The following ATF3 variants were observed in gnomAD, a reference collection of about 807,000 sequenced individuals.
ATF3 encodes the protein activating transcription factor 3.
A neutral mutation model predicts 18.4 loss-of-function variants in ATF3; 10 were observed. The observed-to-expected ratio is 0.54, with a 90% CI of 0.34 to 0.92. The LOEUF (loss-of-function observed/expected upper bound fraction) is 0.92. Among genes scored for constraint, ATF3 ranks in the 40% least tolerant of loss-of-function variants. ATF3 has a pLI of 0.02. For synonymous variants in ATF3, 78 were observed against 87.9 expected, an observed-to-expected ratio of 0.89 and a Z score of 0.63; for missense variants, 183 against 222.3, an observed-to-expected ratio of 0.82 and a Z score of 1.12.
At chr1:212,582,608 T>C (rs750946796) in intron 1 of ATF3, among the ~76,000 whole-genome samples, 53 of 152,190 alleles carry the variant, frequency 3.5e-4, no homozygotes, top group Non-Finnish European at 4.1e-4. Context: ...TTCCGTCCCC[T>C]GCACTGAGCA....
chr1:212,591,549 C>A (rs1664885578), intron 1 of ATF3, among the ~76,000 whole-genome samples: 1 of 152,160 alleles, frequency 6.6e-6, no homozygotes, highest in South Asian at 2.1e-4. Context: ...CCCCCCCGCC[C>A]CAGTCCATTG....
At chr1:212,589,431 G>A (rs1434216423) in intron 1 of ATF3, among the ~76,000 whole-genome samples, 1 of 152,180 alleles carries the variant, frequency 6.6e-6, no homozygotes, top group Non-Finnish European at 1.5e-5. Flanking sequence ...GGAAGAAATA[G>A]AAGGTTAAGT....
At chr1:212,611,059 C>T (rs1654875466) in intron 1 of ATF3, among the ~76,000 whole-genome samples, 1 of 152,204 alleles carries the variant, frequency 6.6e-6, no homozygotes, top group Admixed American at 6.5e-5. Context: ...GGGACAGGGC[C>T]AGTGGCTTCG....
chr1:212,603,177 G>A (rs1360598784), intron 1 of ATF3, among the ~76,000 whole-genome samples: 1 of 152,072 alleles, frequency 6.6e-6, no homozygotes, highest in African/African-American at 2.4e-5. Flanking sequence ...CACCAAACTG[G>A]CATAGAGATG....
intron 1 of ATF3, among the ~76,000 whole-genome samples, chr1:212,575,501 C>A (rs1664562253): frequency 6.6e-6 from 1 of 152,086 alleles, no homozygotes; most frequent in Non-Finnish European, 1.5e-5. Flanking sequence ...TCTAATCTTT[C>A]TCTTTTTCCA....
At chr1:212,575,623 A>G (rs1664564662) in intron 1 of ATF3, among the ~76,000 whole-genome samples, 1 of 152,120 alleles carries the variant, frequency 6.6e-6, no homozygotes, top group Non-Finnish European at 1.5e-5. Context: ...AAATAGTACC[A>G]ATTAATATAA....
At chr1:212,575,030 A>G (rs1664548951) in intron 1 of ATF3, among the ~76,000 whole-genome samples, 1 of 152,078 alleles carries the variant, frequency 6.6e-6, no homozygotes, top group Non-Finnish European at 1.5e-5. Context: ...ACGCATTTTG[A>G]AGATTTTTAA....
chr1:212,592,164 C>G (rs1470664295), intron 1 of ATF3, among the ~76,000 whole-genome samples: 1 of 138,168 alleles, frequency 7.2e-6, no homozygotes, highest in Non-Finnish European at 1.6e-5. Flanking sequence ...ATTTCTCCCT[C>G]AACCTAGCCC....
At chr1:212,580,722 T>C (rs1354334364) in intron 1 of ATF3, among the ~76,000 whole-genome samples, 2 of 152,200 alleles carry the variant, frequency 1.3e-5, no homozygotes, top group African/African-American at 2.4e-5. Flanking sequence ...TCTGAGAAAA[T>C]TGTGACATTG....
chr1:212,618,296 G>A lies in ATF3; in HGVS notation c.348+62G>A. ...CGCCTGTCTTCACCAGCTTCATGTG[G>A]CTATCAGAAGAAGAGTTAGAAAACC... On this transcript the variant is annotated intron_variant, in intron 3 of 3. Coordinates refer to ENST00000341491, the MANE Select transcript of ATF3 (RefSeq NM_001674.4). The surrounding 1 kb of genome is among the most constrained non-coding windows in gnomAD (Gnocchi z 4.4). The A allele has an allele frequency of 6.6e-7, 1 of 1,524,344 alleles. No homozygotes were observed. Among genetic ancestry groups the A allele is most frequent in the Non-Finnish European group, 9.1e-7 (1 of 1,098,908 alleles). 94.4% of individuals were successfully genotyped at this position (1,524,344 alleles called of 1,614,324 possible).
At chr1:212,604,051 C>CA (rs1654557039), upstream of ATF3, among the ~76,000 whole-genome samples, 3 of 151,934 alleles carry the variant, frequency 2.0e-5, no homozygotes, top group South Asian at 2.1e-4. Flanking sequence ...TTCATAATGA[C>CA]AAAAAAATTA....
At chr1:212,595,653 T>C (rs1427460380) in intron 1 of ATF3, among the ~76,000 whole-genome samples, 1 of 152,188 alleles carries the variant, frequency 6.6e-6, no homozygotes, top group Non-Finnish European at 1.5e-5. Context: ...CTCTAAGAAC[T>C]ATGGGAACAC....
upstream of ATF3, among the ~76,000 whole-genome samples, chr1:212,607,860 G>C (rs1654686837): frequency 6.6e-6 from 1 of 151,866 alleles, no homozygotes; most frequent in Non-Finnish European, 1.5e-5. Context: ...TCACGCTCTT[G>C]TTGGTTTCAC....
chr1:212,611,264 C>A (rs1020363585), intron 1 of ATF3, among the ~76,000 whole-genome samples: 5 of 152,206 alleles, frequency 3.3e-5, no homozygotes, highest in African/African-American at 1.2e-4. Flanking sequence ...ACAAAAGAGG[C>A]TCTGACTGAC....
intron 1 of ATF3, among the ~76,000 whole-genome samples, chr1:212,573,775 T>C (rs2137424): frequency 0.29 from 44,396 of 151,676 alleles, 6,742 homozygotes; most frequent in South Asian, 0.37. Context: ...ATATGTAGGT[T>C]TTATACTTCT....
intron 1 of ATF3, among the ~76,000 whole-genome samples, chr1:212,577,275 T>G (rs1664599447): frequency 6.6e-6 from 1 of 152,118 alleles, no homozygotes; most frequent in Non-Finnish European, 1.5e-5. Context: ...CTCTTTAACC[T>G]TTTTTTAACT....
intron 1 of ATF3, among the ~76,000 whole-genome samples, chr1:212,574,433 C>T (rs777866225): frequency 6.6e-6 from 1 of 151,946 alleles, no homozygotes; most frequent in Non-Finnish European, 1.5e-5. Flanking sequence ...AAATATCTCT[C>T]ATTTTGGTAT....
chr1:212,565,676 G>A (rs1289964774), intron 1 of ATF3, among the ~76,000 whole-genome samples: 2 of 151,996 alleles, frequency 1.3e-5, no homozygotes, highest in African/African-American at 4.8e-5. Context: ...TGAGGGATAG[G>A]GATCGAAAAG....
intron 1 of ATF3, among the ~76,000 whole-genome samples, chr1:212,579,995 A>T (rs1435496609): frequency 6.6e-6 from 1 of 151,718 alleles, no homozygotes; most frequent in East Asian, 1.9e-4. Flanking sequence ...AAAAAAAAAA[A>T]ACTTAGCTGG....
Sources: gnomAD v4.1 joint callset for allele counts (sites outside exome capture counted in the v4.1 genomes callset) on GRCh38, gnomAD v4.1.1 for gene constraint, Gnocchi (gnomAD v3.1) non-coding constraint, MANE v1.5 for transcripts, NCBI Gene and HGNC (gene_info 2026-07-23, HGNC 2026-07-21) for gene names.